Variants in NCKAP5 observed in about 807,000 individuals in gnomAD.
NCKAP5 encodes the protein nck-associated protein 5.
Under a neutral mutation model 167.0 loss-of-function variants are expected in NCKAP5, and 92 were observed. The ratio of observed to expected loss-of-function variants is 0.55; its 90% CI spans 0.47 to 0.66. The LOEUF (loss-of-function observed/expected upper bound fraction) is 0.66. NCKAP5 is among the 30% of genes least tolerant of loss of function. The pLI, the probability that NCKAP5 is intolerant of heterozygous loss-of-function variation, is 0.00. For missense variants in NCKAP5, 2,378 were observed against 2,315.0 expected, an observed-to-expected ratio of 1.03 and a Z score of -0.56; for synonymous variants, 891 against 877.4, an observed-to-expected ratio of 1.02 and a Z score of -0.27.
In NCKAP5 at chr2:132,947,342, G is replaced by A. The variant is rs180949474; in HGVS notation, c.579+16378C>T. Among the ~76,000 whole-genome samples the A allele has an allele frequency of 1.8e-3, 275 of 152,222 alleles. 1 individual carries two copies. Among genetic ancestry groups the A allele is most frequent in the Middle Eastern group, 3.4e-3 (1 of 294 alleles). On this transcript the variant is annotated intron_variant, in intron 8 of 19. Transcript: ENST00000409261. ...TATAGCTGATTTAAAAATAAGATAT[G>A]CTAATTTATGTACTGATAGAGTAAA...
chr2:133,478,186 T>G (rs1680104779), intron 3 of NCKAP5, among the ~76,000 whole-genome samples: 1 of 152,230 alleles, frequency 6.6e-6, no homozygotes, highest in Non-Finnish European at 1.5e-5. Flanking sequence ...TTGTTCTCTA[T>G]CACAGTGAAT....
Position 132,783,119 on chromosome 2 carries a change from T to C in NCKAP5, c.3692A>G (p.Glu1231Gly). ...DGLPLETALQ[E>G]PLESSIPGSD... ...CCCAGGGATGCTACTTTCCAATGGC[T>C]CTTGTAGTGCTGTTTCCAGGGGAAG... is the stretch of plus-strand genomic sequence containing the variant. The change falls in exon 14 of 20, where the codon GAG becomes GGG. Residue 1231 changes from glutamate (E) to glycine (G), a missense_variant. Transcript: ENST00000409261. 4 of 1,613,712 alleles carry C rather than the reference T, an allele frequency of 2.5e-6. No homozygotes were observed. Among genetic ancestry groups the C allele is most frequent in the Non-Finnish European group, 3.4e-6 (4 of 1,179,800 alleles).
chr2:132,782,153 T>A lies in NCKAP5; in HGVS notation c.4658A>T (p.Lys1553Ile), dbSNP rs189863863. Reference protein sequence around the residue: ...GNRQLKSERKKEKKKPELQCE... With the variant: ...GNRQLKSERKIEKKKPELQCE... Reference sequence around the variant, plus strand: ...CTGTAGTTCAGGCTTCTTTTTCTCTTTTTTTCTTTCTGATTTTAGTTGTCT... The same window carrying A: ...CTGTAGTTCAGGCTTCTTTTTCTCTATTTTTCTTTCTGATTTTAGTTGTCT... The change falls in exon 14 of 20, where the codon AAA (lysine) becomes ATA (isoleucine). Residue 1553 changes from lysine (K) to isoleucine (I), a missense_variant. Physicochemically the swap from Lys to Ile is moderately radical, Grantham distance 102 (BLOSUM62 -3). Around this residue, in one of 3 missense-constraint regions of NCKAP5, gnomAD observed 1,325 missense variants for 1,274.5 expected, o/e 1.04. Coordinates refer to ENST00000409261, the MANE Select transcript of NCKAP5 (RefSeq NM_207363.3). The A allele has an allele frequency of 2.3e-3, 3,658 of 1,609,306 alleles. 7 individuals are homozygous for A. Among genetic ancestry groups the A allele is most frequent in the Non-Finnish European group, 2.8e-3 (3,357 of 1,178,850 alleles).
At position 133,539,391 on chromosome 2, in the gene NCKAP5, A is replaced by C. The variant is rs1686042915; in HGVS notation, c.-62+19659T>G. ...TGAGAGGAAGCTCCAATTCAAGATG[A>C]AATTGACAGTTTAAAGCACACAAAA... On this transcript the variant is annotated intron_variant, in intron 2 of 19. Coordinates refer to ENST00000409261, the MANE Select transcript of NCKAP5 (RefSeq NM_207363.3). 2.0e-5 allele frequency among the ~76,000 whole-genome samples: 3 copies of C among 152,310 alleles called. No homozygotes were observed. In the South Asian group the frequency reaches 6.2e-4, roughly 32 times the overall value.
chr2:132,794,257 TATATATAGAG>T (rs1466590658), intron 12 of NCKAP5, among the ~76,000 whole-genome samples: 43 of 40,934 alleles, frequency 1.1e-3, no homozygotes, highest in South Asian at 2.0e-3. Flanking sequence ...TATATATATA[TATATATAGAG>T]AGAGAGAGAG....
intron 2 of NCKAP5, among the ~76,000 whole-genome samples, chr2:133,549,461 A>G (rs1329765109): frequency 1.5e-5 from 2 of 130,312 alleles, no homozygotes; most frequent in Admixed American, 1.6e-4. Context: ...CCGCTCAACT[A>G]CATGGAAACT....
intron 3 of NCKAP5, among the ~76,000 whole-genome samples, chr2:133,508,087 A>T (rs1401575937): frequency 6.6e-6 from 1 of 152,154 alleles, no homozygotes; most frequent in Non-Finnish European, 1.5e-5. Flanking sequence ...ATGTTAATAG[A>T]GGAGTCAGGA....
intron 19 of NCKAP5, among the ~76,000 whole-genome samples, chr2:132,709,751 A>G (rs974573381): frequency 1.7e-4 from 26 of 152,092 alleles, no homozygotes; most frequent in Non-Finnish European, 2.9e-4. Flanking sequence ...ATATTAACAA[A>G]TTTTCTCACA....
At chr2:133,624,824 A>C in the NCKAP5 span, among the ~76,000 whole-genome samples, 4 of 152,338 alleles carry the variant, frequency 2.6e-5, no homozygotes, top group East Asian at 7.7e-4. Context: ...TATATATCAT[A>C]TTCTTTTGAT....
intron 4 of NCKAP5, 132 bp from the exon 5 acceptor site, chr2:133,213,911 T>A (rs1280011078): frequency 8.1e-6 from 6 of 738,818 alleles, no homozygotes; most frequent in Non-Finnish European, 1.4e-5. Flanking sequence ...TCCTCTATAC[T>A]TTCTATAAAT....
At chr2:133,569,337 C>G (rs190804183), upstream of NCKAP5, among the ~76,000 whole-genome samples, 1 of 152,140 alleles carries the variant, frequency 6.6e-6, no homozygotes, top group South Asian at 2.1e-4. Context: ...GTCTCTGCCA[C>G]GAAGCGCGAA....
chr2:133,452,331 C>T (rs955156959), intron 3 of NCKAP5, among the ~76,000 whole-genome samples: 2 of 152,104 alleles, frequency 1.3e-5, no homozygotes, highest in Admixed American at 6.5e-5. Context: ...AAGCAAGCAG[C>T]AGTTGTGCAG....
chr2:133,272,383 C>G (rs1380559038), intron 4 of NCKAP5, among the ~76,000 whole-genome samples: 1 of 151,938 alleles, frequency 6.6e-6, no homozygotes, highest in Non-Finnish European at 1.5e-5. Flanking sequence ...GACTATATAA[C>G]TAAGGATAAA....
chr2:132,927,102 T>G (rs1695961622), intron 8 of NCKAP5, among the ~76,000 whole-genome samples: 1 of 152,162 alleles, frequency 6.6e-6, no homozygotes, highest in Non-Finnish European at 1.5e-5. Context: ...CAATCCAATT[T>G]TCCCAGCACC....
intron 6 of NCKAP5, among the ~76,000 whole-genome samples, chr2:133,076,819 T>C (rs1228149779): frequency 1.3e-5 from 2 of 152,138 alleles, no homozygotes; most frequent in Non-Finnish European, 2.9e-5. Flanking sequence ...AAGGAGCAGG[T>C]GAAGCAGAGA....
chr2:133,216,421 T>G (rs1158200789), intron 4 of NCKAP5, among the ~76,000 whole-genome samples: 3 of 152,074 alleles, frequency 2.0e-5, no homozygotes, highest in Non-Finnish European at 4.4e-5. Context: ...AAATTACCTA[T>G]GTGTTCGTAA....
chr2:133,106,194 G>A (rs1156369652), intron 6 of NCKAP5, among the ~76,000 whole-genome samples: 3 of 143,286 alleles, frequency 2.1e-5, no homozygotes, highest in Admixed American at 7.2e-5. Context: ...TCGGGAGGCT[G>A]AGGAAGGACA....
intron 19 of NCKAP5, among the ~76,000 whole-genome samples, chr2:132,710,980 G>T (rs931680676): frequency 3.9e-5 from 6 of 152,194 alleles, no homozygotes; most frequent in African/African-American, 1.2e-4. Flanking sequence ...TTCGAATGAA[G>T]AGAATGATTT....
chr2:132,923,981 T>C (rs1314358818), intron 8 of NCKAP5, among the ~76,000 whole-genome samples: 1 of 152,154 alleles, frequency 6.6e-6, no homozygotes, highest in Non-Finnish European at 1.5e-5. Context: ...TGAGAAGTGA[T>C]TCAGGAGACA....
Sources: allele counts gnomAD v4.1 joint callset (sites outside exome capture counted in the v4.1 genomes callset), GRCh38; gene constraint gnomAD v4.1.1; regional missense constraint gnomAD v4.1.1; transcripts MANE v1.5; gene names NCBI Gene and HGNC (gene_info 2026-07-23, HGNC 2026-07-21).